The following DIS3L variants were observed in gnomAD, a reference collection of about 807,000 sequenced individuals.
The protein encoded by DIS3L is DIS3-like exonuclease 1.
In DIS3L, 100 loss-of-function variants were observed where a neutral mutation model predicts 120.3. The ratio of observed to expected loss-of-function variants is 0.83; its 90% CI spans 0.71 to 0.98. The LOEUF is 0.98. Among genes scored for constraint, DIS3L ranks in the 50% least tolerant of loss-of-function variants. The probability of loss-of-function intolerance (pLI) is 0.00; values close to 1 mark genes in which losing one functional copy is unlikely to be tolerated. For missense variants in DIS3L, 1,196 were observed against 1,314.2 expected (o/e 0.91, Z 1.39); for synonymous variants, 426 against 470.6 (o/e 0.91, Z 1.23).
chr15:66,325,923 A>T lies in DIS3L; in HGVS notation c.1760A>T (p.Lys587Ile). ...AGAACCATTATTCGATCAGCATACAAACTGTTCTATGAAGCAGCCCAAGAA... is the reference window on the plus strand; with the variant it reads ...AGAACCATTATTCGATCAGCATACATACTGTTCTATGAAGCAGCCCAAGAA... ...YGRTIIRSAY[K>I]LFYEAAQELL... The change falls in exon 12 of 17, where the codon AAA becomes ATA. Residue 587 changes from lysine to isoleucine, a missense_variant. Lys to Ile is a moderately radical substitution (Grantham distance 102). Coordinates refer to ENST00000319212, the MANE Select transcript of DIS3L (RefSeq NM_001143688.3). 6.2e-7 allele frequency: 1 copy of T among 1,614,226 alleles called. No individual in the cohort carries two copies. The highest frequency in any genetic ancestry group is 8.5e-7 in the Non-Finnish European group (1 of 1,180,046).
At chr15:66,304,120 G>A (rs949969897) in intron 2 of DIS3L, among the ~76,000 whole-genome samples, 1 of 140,408 alleles carries the variant, frequency 7.1e-6, no homozygotes, top group Non-Finnish European at 1.5e-5. Context: ...AAACAATATG[G>A]CATAGACTCT....
Position 66,318,565 on chromosome 15 carries a change from G to A in DIS3L, c.1111G>A (p.Asp371Asn). Residue 371 changes from aspartate (D) to asparagine (N), a missense_variant, in exon 8 of 17, where the codon GAT becomes AAT. Coordinates refer to ENST00000319212, the MANE Select transcript of DIS3L (RefSeq NM_001143688.3). Reference sequence around the variant, plus strand: ...TCAGAAAATCCTGGTTACACCTTGGGATTACAGAATTCCCAAAATTCGAAT... The same window carrying A: ...TCAGAAAATCCTGGTTACACCTTGGAATTACAGAATTCCCAAAATTCGAAT... ...NAQKILVTPWDYRIPKIRIST... is the reference protein window; with the variant it reads ...NAQKILVTPWNYRIPKIRIST... The A allele has an allele frequency of 6.2e-7, 1 of 1,614,036 alleles. No homozygotes were observed. The highest frequency in any genetic ancestry group is 8.5e-7 in the Non-Finnish European group (1 of 1,180,016).
intron 5 of DIS3L, among the ~76,000 whole-genome samples, chr15:66,312,574 A>G (rs1195513100): frequency 2.0e-5 from 3 of 151,846 alleles, no homozygotes; most frequent in Non-Finnish European, 4.4e-5. Context: ...CTCCTTTGCC[A>G]TTTTTTTCTC....
intron 2 of DIS3L, among the ~76,000 whole-genome samples, chr15:66,300,520 G>A (rs1365621803): frequency 6.6e-6 from 1 of 152,218 alleles, no homozygotes; most frequent in Non-Finnish European, 1.5e-5. Context: ...CCACTGAACT[G>A]TGTGTGTTTT....
intron 12 of DIS3L, 29 bp from the exon 13 acceptor site, chr15:66,328,941 T>G: frequency 2.5e-6 from 4 of 1,604,468 alleles, no homozygotes; most frequent in Non-Finnish European, 3.4e-6. Context: ...TGTCTGGGAC[T>G]AGCTAACGGT....
rs780712543 is a variant in DIS3L at position 66,306,869 on chromosome 15, T to C, written c.339T>C (p.Asp113=). 1.2e-6 allele frequency: 2 copies of C among 1,614,186 alleles called. No individual in the cohort carries two copies. The highest frequency in any genetic ancestry group is 8.5e-7 in the Non-Finnish European group (1 of 1,180,026). ...ACCTGCTGAAGGATGCGCGTCATGA[T>C]TGCATTCTCTTTGCTAATGAATTCC... ...LRNLLKDARH[D]CILFANEFQQ... is the part of the protein sequence containing the mutation. The change falls in exon 3 of 17, where the codon GAT becomes GAC. Residue 113 remains aspartate, a synonymous_variant. Transcript: ENST00000319212.
chr15:66,301,816 C>T (rs2092651227), intron 2 of DIS3L, among the ~76,000 whole-genome samples: 1 of 152,162 alleles, frequency 6.6e-6, no homozygotes, highest in Admixed American at 6.5e-5. Context: ...GAGTGATTCG[C>T]TGTTTGTTTC....
Position 66,323,241 on chromosome 15 carries a change from G to A in DIS3L, c.1575-252G>A, listed in dbSNP as rs148368686. ...CATTACACTCCAGTTTTTCTTATAC[G>A]ACAAAGATTCATGTCACTTGCTCTT... On this transcript the variant is annotated intron_variant, in intron 10 of 16. Coordinates refer to ENST00000319212, the MANE Select transcript of DIS3L (RefSeq NM_001143688.3). Among the ~76,000 whole-genome samples the A allele has an allele frequency of 1.5e-3, 229 of 151,998 alleles. 1 individual carries two copies. The highest frequency in any genetic ancestry group is 5.1e-3 in the African/African-American group (213 of 41,422).
chr15:66,293,529 C>T, upstream of DIS3L: 3 of 1,299,460 alleles, frequency 2.3e-6, no homozygotes, highest in South Asian at 2.0e-5. Context: ...GGCCGAGGGG[C>T]GGGTCCGAGG....
chr15:66,298,179 C>CAAAA (rs11419116), intron 2 of DIS3L, among the ~76,000 whole-genome samples: 6 of 45,962 alleles, frequency 1.3e-4, no homozygotes, highest in Non-Finnish European at 1.8e-4. Flanking sequence ...GACTCCGTCT[C>CAAAA]AAAAAAAAAA....
chr15:66,309,915 G>A (rs1204873584), intron 4 of DIS3L, among the ~76,000 whole-genome samples: 9 of 152,160 alleles, frequency 5.9e-5, no homozygotes, highest in African/African-American at 2.2e-4. Context: ...ACAGATCTCA[G>A]ACAGGAGTGG....
intron 7 of DIS3L, among the ~76,000 whole-genome samples, chr15:66,317,608 AG>A (rs1393501499): frequency 6.6e-6 from 1 of 152,176 alleles, no homozygotes; most frequent in East Asian, 1.9e-4. Flanking sequence ...TAATGGCAAA[AG>A]AGAGAAAATG....
chr15:66,333,249 C>T lies in DIS3L; in HGVS notation c.3102C>T (p.Tyr1034=), dbSNP rs749430413. The T allele has an allele frequency of 3.7e-6, 6 of 1,614,054 alleles. No individual in the cohort carries two copies. The Admixed American group carries it at 6.7e-5, about 18-fold the overall frequency. ...EYRQTKGRSL[Y]TLLEEIRDLA... is the part of the protein sequence containing the mutation. ...GCCAAACAAAGGGAAGGAGCCTATA[C>T]ACACTTCTAGAGGAGATACGGGACC... The change falls in exon 17 of 17, where the codon TAC becomes TAT. Residue 1034 remains tyrosine (Y), a synonymous_variant. Coordinates refer to ENST00000319212, the MANE Select transcript of DIS3L (RefSeq NM_001143688.3).
At chr15:66,302,728 TCTC>T (rs2092661883) in intron 2 of DIS3L, among the ~76,000 whole-genome samples, 1 of 152,114 alleles carries the variant, frequency 6.6e-6, no homozygotes, top group South Asian at 2.1e-4. Flanking sequence ...CCTCCCATCT[TCTC>T]CTTTCAAGCA....
In DIS3L at chr15:66,323,491, A is replaced by G. The variant is rs1032561596; in HGVS notation, c.1575-2A>G. ...GCGTTGCCGCGTGTGTGTCATTCAC[A>G]GGGCCACCACTTATTATCTAGCAGA... On this transcript the variant is annotated splice_acceptor_variant, in intron 10 of 16. Transcript: ENST00000319212. LOFTEE classifies it high-confidence loss of function. 1.2e-5 allele frequency: 19 copies of G among 1,614,022 alleles called. No individual in the cohort carries two copies. Among genetic ancestry groups the G allele is most frequent in the Non-Finnish European group, 1.6e-5 (19 of 1,180,020 alleles).
intron 14 of DIS3L, chr15:66,330,584 T>C (rs1192854747): frequency 2.0e-6 from 2 of 977,840 alleles, no homozygotes; most frequent in African/African-American, 3.5e-5. Context: ...TAATTAAAAT[T>C]AGAAGTAGAA....
chr15:66,321,643 A>G (rs567949464), intron 9 of DIS3L, among the ~76,000 whole-genome samples: 91 of 151,914 alleles, frequency 6.0e-4, no homozygotes, highest in Non-Finnish European at 1.1e-3. Context: ...GTGGGCGCCT[A>G]TAATCCCAGC....
At position 66,331,912 on chromosome 15, in the gene DIS3L, T is replaced by C. The variant is rs1360738441; in HGVS notation, c.2573T>C (p.Phe858Ser). ...QHSQKQSTEL[F>S]QCMYFKDKDP... ...TCTCAGAAGCAGTCTACTGAGCTCT[T>C]CCAGTGCATGTACTTCAAAGACAAA... Residue 858 changes from phenylalanine to serine, a missense_variant, in exon 15 of 17, where the codon TTC becomes TCC. Coordinates refer to ENST00000319212, the MANE Select transcript of DIS3L (RefSeq NM_001143688.3). 6.2e-7 allele frequency: 1 copy of C among 1,612,686 alleles called. No individual in the cohort carries two copies. The highest frequency in any genetic ancestry group is 1.7e-5 in the Admixed American group (1 of 59,884).
intron 9 of DIS3L, among the ~76,000 whole-genome samples, chr15:66,321,450 T>C (rs2092882155): frequency 6.6e-6 from 1 of 152,192 alleles, no homozygotes; most frequent in Non-Finnish European, 1.5e-5. Flanking sequence ...GGCATTCAGC[T>C]GTCTAACTTT....
Sources: allele counts gnomAD v4.1 joint callset (sites outside exome capture counted in the v4.1 genomes callset), GRCh38; gene constraint gnomAD v4.1.1; transcripts MANE v1.5; gene names NCBI Gene and HGNC (gene_info 2026-07-23, HGNC 2026-07-21).